Variants in KCNQ1 observed in about 807,000 individuals in gnomAD.
The protein encoded by KCNQ1 is potassium voltage-gated channel subfamily Q member 1, also known as potassium voltage-gated channel subfamily KQT member 1.
KCNQ1 carries 49 observed loss-of-function variants against 72.4 expected under a neutral mutation model. The observed-to-expected ratio is 0.68, with a 90% CI of 0.54 to 0.86. KCNQ1 has a LOEUF of 0.86. Among genes scored for constraint, KCNQ1 ranks in the 40% least tolerant of loss-of-function variants. The pLI is 0.00. For missense variants in KCNQ1, 790 were observed against 945.1 expected, an observed-to-expected ratio of 0.84 and a Z score of 2.15; for synonymous variants, 450 against 412.6, an observed-to-expected ratio of 1.09 and a Z score of -1.10.
chr11:2,445,369 G>A lies in KCNQ1; in HGVS notation c.271G>A (p.Val91Ile). The change falls in exon 1 of 16, where the codon GTC becomes ATC. Residue 91 changes from valine (V) to isoleucine (I), a missense_variant. Val to Ile is a conservative substitution (Grantham distance 29). Transcript: ENST00000155840. ...PRPPVSLDPR[V>I]SIYSTRRPVL... ...GCCGCCGGTGAGCCTAGACCCGCGC[G>A]TCTCCATCTACAGCACGCGCCGCCC... 6.3e-7 allele frequency: 1 copy of A among 1,597,580 alleles called. No homozygotes were observed.
chr11:2,779,490 G>A (rs1013874171), intron 15 of KCNQ1, among the ~76,000 whole-genome samples: 8 of 152,152 alleles, frequency 5.3e-5, no homozygotes, highest in Middle Eastern at 3.2e-3. Context: ...CAGGCGGGGC[G>A]TGAACATCCC....
chr11:2,523,670 T>C (rs796806730), intron 1 of KCNQ1, among the ~76,000 whole-genome samples: 6 of 152,054 alleles, frequency 3.9e-5, no homozygotes, highest in African/African-American at 1.4e-4. Flanking sequence ...AGCTTCCACA[T>C]TGCATCACGG....
intron 10 of KCNQ1, chr11:2,630,046 C>T: frequency 2.5e-6 from 1 of 397,952 alleles, no homozygotes; most frequent in Non-Finnish European, 4.4e-6. Flanking sequence ...ATGATGTTAG[C>T]TGTGGGCTAT....
At chr11:2,490,792 G>A (rs944387177) in intron 1 of KCNQ1, among the ~76,000 whole-genome samples, 6 of 152,166 alleles carry the variant, frequency 3.9e-5, no homozygotes, top group Admixed American at 6.5e-5. Context: ...GGGTTTAAGC[G>A]ATTCTCCTGC....
At chr11:2,832,147 C>G (rs567457184) in intron 15 of KCNQ1, among the ~76,000 whole-genome samples, 2 of 152,268 alleles carry the variant, frequency 1.3e-5, no homozygotes, top group African/African-American at 4.8e-5. Flanking sequence ...CACACCAGCC[C>G]GGTCCCCACC....
In KCNQ1 at chr11:2,567,112, C is replaced by T. The variant is rs1848259923; in HGVS notation, c.478-3516C>T. ...GGCGGTGAGCCCCTGGGAAGGAGGC[C>T]TCAGGGACAGCCCTAGACTGTCACC... On this transcript the variant is annotated intron_variant, in intron 2 of 15. Coordinates refer to ENST00000155840, the MANE Select transcript of KCNQ1 (RefSeq NM_000218.3). The surrounding 1 kb of genome is among the most constrained non-coding windows in gnomAD (Gnocchi z 6.6). 6.6e-6 allele frequency among the ~76,000 whole-genome samples: 1 copy of T among 152,054 alleles called. No homozygotes were observed. Among genetic ancestry groups the T allele is most frequent in the African/African-American group, 2.4e-5 (1 of 41,398 alleles).
chr11:2,698,992 C>T lies in KCNQ1; in HGVS notation c.1514+36911C>T. The stretch of plus-strand genomic sequence containing the variant: ...CACAACGGGGATTCCCACCTCCGAT[C>T]CTAATTCGGGCCCTGACTCAGAACC... On this transcript the variant is annotated intron_variant, in intron 11 of 15. Coordinates refer to ENST00000155840, the MANE Select transcript of KCNQ1 (RefSeq NM_000218.3). The surrounding 1 kb of genome is among the most constrained non-coding windows in gnomAD (Gnocchi z 5.1). The T allele has an allele frequency of 2.5e-6, 1 of 398,680 alleles. No homozygotes were observed. Among genetic ancestry groups the T allele is most frequent in the Non-Finnish European group, 4.4e-6 (1 of 226,082 alleles). The allele number at this position is 398,680 out of a possible 1,614,324, so 24.7% of individuals were successfully genotyped here. A position where few individuals can be genotyped will look rare whatever the true frequency, so the allele number is the denominator to read the frequency against.
At chr11:2,754,829 G>A (rs231890) in intron 11 of KCNQ1, among the ~76,000 whole-genome samples, 130,423 of 152,248 alleles carry the variant, frequency 0.86, 56,117 homozygotes, top group East Asian at 0.94. Context: ...AGCATTGACT[G>A]TGAAAGAAAA....
At chr11:2,650,589 A>G (rs1401860807) in intron 10 of KCNQ1, 1 of 398,666 alleles carries the variant, frequency 2.5e-6, no homozygotes. Context: ...TGTGAAGGCA[A>G]GAAGGCTCCT....
In KCNQ1 at chr11:2,565,147, A is replaced by G. The variant is rs751383624; in HGVS notation, c.478-5481A>G. Among the ~76,000 whole-genome samples the G allele has an allele frequency of 2.2e-4, 33 of 152,288 alleles. No homozygotes were observed. Among genetic ancestry groups the G allele is most frequent in the Middle Eastern group, 3.4e-3 (1 of 294 alleles). Reference sequence around the variant, plus strand: ...GTTTTTTTTCTGGCATGTTATTTAAACAGACTATTTGTTAGAGCAGTTTTA... The same window carrying G: ...GTTTTTTTTCTGGCATGTTATTTAAGCAGACTATTTGTTAGAGCAGTTTTA... On this transcript the variant is annotated intron_variant, in intron 2 of 15. Transcript: ENST00000155840. This position sits in a 1 kb window ranked among gnomAD's most constrained non-coding sequence, Gnocchi z 5.6.
At chr11:2,707,909 T>C (rs1194866489) in intron 11 of KCNQ1, among the ~76,000 whole-genome samples, 2 of 152,214 alleles carry the variant, frequency 1.3e-5, no homozygotes, top group Admixed American at 6.5e-5. Context: ...AGGTGTGCCT[T>C]GGCCCACATT....
intron 15 of KCNQ1, among the ~76,000 whole-genome samples, chr11:2,792,589 C>T (rs1023768599): frequency 1.3e-5 from 2 of 152,110 alleles, no homozygotes; most frequent in South Asian, 2.1e-4. Context: ...GGGAGCGCAT[C>T]CTATGGATAT....
At chr11:2,505,618 T>C (rs1377588271) in intron 1 of KCNQ1, among the ~76,000 whole-genome samples, 2 of 152,234 alleles carry the variant, frequency 1.3e-5, no homozygotes, top group Non-Finnish European at 2.9e-5. Flanking sequence ...GTTCTGTAAA[T>C]TTTTCCTTTG....
Position 2,613,809 on chromosome 11 carries a change from A to G in KCNQ1, c.1393+24955A>G. 1 of 398,302 alleles carries G rather than the reference A, an allele frequency of 2.5e-6. No individual in the cohort carries two copies. Among genetic ancestry groups the G allele is most frequent in the Non-Finnish European group, 4.4e-6 (1 of 225,986 alleles). The allele number at this position is 398,302 out of a possible 1,614,324, so 24.7% of individuals were successfully genotyped here. A position where few individuals can be genotyped will look rare whatever the true frequency, so the allele number is the denominator to read the frequency against. ...TATCTCTTCCATCCTAATTCCCCCT[A>G]CCCATTATAGGTAACCAGTTTCAGT... On this transcript the variant is annotated intron_variant, in intron 10 of 15. Transcript: ENST00000155840. The surrounding 1 kb of genome is among the most constrained non-coding windows in gnomAD (Gnocchi z 4.8).
chr11:2,572,857 C>T lies in KCNQ1; in HGVS notation c.792C>T (p.Thr264=). 6.2e-7 allele frequency: 1 copy of T among 1,613,852 alleles called. No homozygotes were observed. The change falls in exon 6 of 16, where the codon ACC becomes ACT. Residue 264 remains threonine, a synonymous_variant. Coordinates refer to ENST00000155840, the MANE Select transcript of KCNQ1 (RefSeq NM_000218.3). The part of the protein sequence containing the change: ...VVFIHRQELI[T]TLYIGFLGLI... ...GTTTTCTGGCCTAGGAGCTGATAACCACCCTGTACATCGGCTTCCTGGGCC... is the reference window on the plus strand; with the variant it reads ...GTTTTCTGGCCTAGGAGCTGATAACTACCCTGTACATCGGCTTCCTGGGCC...
intron 2 of KCNQ1, among the ~76,000 whole-genome samples, chr11:2,535,527 T>G (rs1393455198): frequency 5.3e-5 from 8 of 152,174 alleles, no homozygotes; most frequent in Admixed American, 5.2e-4. Flanking sequence ...TACAAGTCCC[T>G]CCTGCCTTCC....
chr11:2,815,735 G>A lies in KCNQ1; in HGVS notation c.1795-32032G>A, dbSNP rs1002864232. Among the ~76,000 whole-genome samples, 1 of 152,132 alleles carries A rather than the reference G, an allele frequency of 6.6e-6. No individual in the cohort carries two copies. The highest frequency in any genetic ancestry group is 1.5e-5 in the Non-Finnish European group (1 of 67,990). On this transcript the variant is annotated intron_variant, in intron 15 of 15. Transcript: ENST00000155840. The surrounding 1 kb of genome is among the most constrained non-coding windows in gnomAD (Gnocchi z 5.4). ...GGAGACTATTCAGGAGAGGGTGGGA[G>A]CAGACACGGGAGTAGGATGGGGGCC... is the stretch of plus-strand genomic sequence containing the variant.
intron 10 of KCNQ1, chr11:2,633,971 A>C: frequency 5.0e-6 from 2 of 398,492 alleles, no homozygotes; most frequent in African/African-American, 4.1e-5. Flanking sequence ...ATACAGTTCA[A>C]ATCTATGTTG....
chr11:2,814,573 G>A (rs1419845745), intron 15 of KCNQ1, among the ~76,000 whole-genome samples: 3 of 150,842 alleles, frequency 2.0e-5, no homozygotes, highest in Non-Finnish European at 3.0e-5. Flanking sequence ...AGGTGGATGG[G>A]TAGATTGAGA....
Sources: gnomAD v4.1 joint callset for allele counts (sites outside exome capture counted in the v4.1 genomes callset) on GRCh38, gnomAD v4.1.1 for gene constraint, Gnocchi (gnomAD v3.1) non-coding constraint, MANE v1.5 for transcripts, NCBI Gene and HGNC (gene_info 2026-07-23, HGNC 2026-07-21) for gene names.